GPC5: variants seen among roughly 807,000 people sequenced by gnomAD.
GPC5 encodes the protein glypican 5.
A neutral mutation model predicts 53.9 loss-of-function variants in GPC5; 47 were observed. The ratio of observed to expected loss-of-function variants is 0.87; its 90% CI spans 0.69 to 1.11. The LOEUF (loss-of-function observed/expected upper bound fraction) is 1.11, where lower values mean the gene tolerates loss of function less well. GPC5 is among the 50% of genes most tolerant of loss of function. The pLI is 0.00. For missense variants in GPC5, 748 were observed against 713.1 expected, an observed-to-expected ratio of 1.05 and a Z score of -0.56; for synonymous variants, 286 against 263.3, an observed-to-expected ratio of 1.09 and a Z score of -0.84.
At chr13:92,396,806 T>C (rs1875301194) in intron 7 of GPC5, among the ~76,000 whole-genome samples, 1 of 152,218 alleles carries the variant, frequency 6.6e-6, no homozygotes, top group African/African-American at 2.4e-5. Flanking sequence ...CCTCTTTCTC[T>C]GGACTGTGAC....
chr13:92,461,259 G>A (rs931633981), intron 7 of GPC5, among the ~76,000 whole-genome samples: 5 of 152,108 alleles, frequency 3.3e-5, no homozygotes, highest in African/African-American at 7.2e-5. Flanking sequence ...TTGATTCAAC[G>A]AATATGTATT....
intron 7 of GPC5, among the ~76,000 whole-genome samples, chr13:92,178,078 C>A (rs2042121058): frequency 6.6e-6 from 1 of 152,138 alleles, no homozygotes; most frequent in South Asian, 2.1e-4. Context: ...TAATTATATT[C>A]CTGATACGAG....
intron 7 of GPC5, among the ~76,000 whole-genome samples, chr13:92,576,205 A>G (rs1197844932): frequency 6.6e-6 from 1 of 152,192 alleles, no homozygotes; most frequent in Non-Finnish European, 1.5e-5. Flanking sequence ...AGAGACATAA[A>G]TGTGTTTTAT....
chr13:91,555,624 G>A (rs1284454029), intron 2 of GPC5, among the ~76,000 whole-genome samples: 1 of 151,984 alleles, frequency 6.6e-6, no homozygotes, highest in African/African-American at 2.4e-5. Context: ...TAGACCAGCT[G>A]TATTAGTCTG....
intron 2 of GPC5, among the ~76,000 whole-genome samples, chr13:91,603,666 A>G (rs543989791): frequency 1.3e-5 from 2 of 152,308 alleles, no homozygotes; most frequent in South Asian, 2.1e-4. Context: ...TGAAGTTTTG[A>G]AGGGATTTGT....
At position 92,013,952 on chromosome 13, in the gene GPC5, TTAAG is replaced by T. The variant is rs543648731; in HGVS notation, c.1401+105900_1401+105903del. On this transcript the variant is annotated intron_variant, in intron 6 of 7. Coordinates refer to ENST00000377067, the MANE Select transcript of GPC5 (RefSeq NM_004466.6). ...GATATTGCCACCTTTTGCCATCAAT[TTAAG>T]TAAGAGATCATAGATATAGTGAAAT... 1.5e-3 allele frequency among the ~76,000 whole-genome samples: 223 copies of T among 152,270 alleles called. 1 individual carries two copies. The highest frequency in any genetic ancestry group is 2.6e-3 in the Non-Finnish European group (178 of 68,020).
intron 6 of GPC5, among the ~76,000 whole-genome samples, chr13:92,108,332 C>T (rs149706639): frequency 3.3e-5 from 5 of 152,156 alleles, no homozygotes; most frequent in East Asian, 1.9e-4. Flanking sequence ...TCACATGTAT[C>T]GACAGTAATT....
intron 7 of GPC5, among the ~76,000 whole-genome samples, chr13:92,252,349 T>A (rs909681615): frequency 3.3e-5 from 5 of 152,116 alleles, no homozygotes; most frequent in Non-Finnish European, 2.9e-5. Context: ...CAGAAAGTAA[T>A]AAATGCAAAC....
intron 2 of GPC5, among the ~76,000 whole-genome samples, chr13:91,535,332 G>A (rs979900542): frequency 2.6e-5 from 4 of 152,038 alleles, no homozygotes; most frequent in Admixed American, 2.6e-4. Context: ...TCCTCCAGTT[G>A]TCTTTGTCTG....
chr13:91,621,490 G>A (rs930697257), intron 2 of GPC5, among the ~76,000 whole-genome samples: 7 of 152,006 alleles, frequency 4.6e-5, no homozygotes, highest in Middle Eastern at 3.4e-3. Flanking sequence ...TTCTTTTCAA[G>A]AATTGTTGGA....
rs147363288 is a variant in GPC5 at position 91,457,517 on chromosome 13, C to G, written c.325+8595C>G. Among the ~76,000 whole-genome samples the G allele has an allele frequency of 2.2e-4, 34 of 152,108 alleles. No homozygotes were observed. In the East Asian group the frequency reaches 6.4e-3, roughly 29 times the overall value. ...TCTTGTTCTTCCTTCTGCCTGTTGTCAGAACACTCAATTTTTGGGGTGACC... is the reference window on the plus strand; with the variant it reads ...TCTTGTTCTTCCTTCTGCCTGTTGTGAGAACACTCAATTTTTGGGGTGACC... On this transcript the variant is annotated intron_variant, in intron 2 of 7. Transcript: ENST00000377067.
At chr13:91,637,614 G>A (rs1025291574) in intron 2 of GPC5, among the ~76,000 whole-genome samples, 8 of 152,040 alleles carry the variant, frequency 5.3e-5, no homozygotes, top group South Asian at 2.1e-4. Flanking sequence ...CAGGAGAAAC[G>A]GCTTAAAAAG....
At chr13:92,155,952 T>C (rs890284425) in intron 7 of GPC5, among the ~76,000 whole-genome samples, 2 of 152,222 alleles carry the variant, frequency 1.3e-5, no homozygotes, top group African/African-American at 2.4e-5. Context: ...TTTATGGTGA[T>C]AAATTTTTGT....
At position 92,551,221 on chromosome 13, in the gene GPC5, A is replaced by AT. The variant is rs1170029687; in HGVS notation, c.1562-315054dup. On this transcript the variant is annotated intron_variant, in intron 7 of 7. Coordinates refer to ENST00000377067, the MANE Select transcript of GPC5 (RefSeq NM_004466.6). ...GCAGGCCAATGTGTGATAGTTTAAG[A>AT]TTTTTTTGTGTCCCTCCCTCACCTA... 2.6e-5 allele frequency among the ~76,000 whole-genome samples: 4 copies of AT among 151,530 alleles called. No homozygotes were observed. The South Asian group carries it at 8.3e-4, about 31-fold the overall frequency.
intron 7 of GPC5, among the ~76,000 whole-genome samples, chr13:92,575,445 A>C (rs1000407679): frequency 6.6e-6 from 1 of 152,138 alleles, no homozygotes; most frequent in Non-Finnish European, 1.5e-5. Context: ...GACACTAGAA[A>C]CTGGAAGAGG....
chr13:91,657,785 C>A (rs1198286350), intron 2 of GPC5, among the ~76,000 whole-genome samples: 1 of 152,166 alleles, frequency 6.6e-6, no homozygotes, highest in Non-Finnish European at 1.5e-5. Context: ...TAGTGGCAGC[C>A]ACACATCAAA....
intron 2 of GPC5, among the ~76,000 whole-genome samples, chr13:91,455,321 G>C (rs1881464745): frequency 6.6e-6 from 1 of 152,002 alleles, no homozygotes; most frequent in South Asian, 2.1e-4. Flanking sequence ...ACTCACTCTA[G>C]TGGTTTGTGT....
chr13:91,416,567 T>C (rs1410138426), intron 1 of GPC5, among the ~76,000 whole-genome samples: 1 of 152,052 alleles, frequency 6.6e-6, no homozygotes, highest in Non-Finnish European at 1.5e-5. Flanking sequence ...CATCAACTCG[T>C]CCTTTACATT....
chr13:92,390,207 G>C (rs1594160899), intron 7 of GPC5, among the ~76,000 whole-genome samples: 1 of 152,096 alleles, frequency 6.6e-6, no homozygotes. Context: ...TTTTATATCA[G>C]ACCTTATAAT....
Sources: gnomAD v4.1 joint callset for allele counts (sites outside exome capture counted in the v4.1 genomes callset) on GRCh38, gnomAD v4.1.1 for gene constraint, MANE v1.5 for transcripts, NCBI Gene and HGNC (gene_info 2026-07-23, HGNC 2026-07-21) for gene names.